REV3L: variants seen among roughly 807,000 people sequenced by gnomAD.
The protein encoded by REV3L is REV3 like, DNA directed polymerase zeta catalytic subunit, also known as DNA polymerase zeta catalytic subunit.
A neutral mutation model predicts 299.4 loss-of-function variants in REV3L; 69 were observed. The observed-to-expected ratio is 0.23, with a 90% CI of 0.19 to 0.28. The LOEUF (loss-of-function observed/expected upper bound fraction) is 0.28, where lower values mean the gene tolerates loss of function less well. Ranked by LOEUF, REV3L falls within the 10% of genes least tolerant of loss-of-function variation. REV3L has a pLI of 1.00. For synonymous variants in REV3L, 1,238 were observed against 1,271.4 expected (o/e 0.97, Z 0.56); for missense variants, 3,128 against 3,693.8 (o/e 0.85, Z 3.97).
At position 111,379,992 on chromosome 6, in the gene REV3L, C is replaced by A; in HGVS notation, c.1444G>T (p.Ala482Ser). ...RWDSNIEEHCAKKRSLCRNTH... is the reference protein window; with the variant it reads ...RWDSNIEEHCSKKRSLCRNTH... ...TAACTAAAAAATTACCTCTTTTTGG[C>A]ACAATGTTCTTCAATATTGCTGTCC... Residue 482 changes from alanine (A) to serine (S), a missense_variant, in exon 11 of 32, where the codon GCC (alanine) becomes TCC (serine). By Grantham distance (99) the Ala-to-Ser change is moderately conservative (BLOSUM62 1). Transcript: ENST00000368802. 4 of 1,605,612 alleles carry A rather than the reference C, an allele frequency of 2.5e-6. No individual in the cohort carries two copies. The highest frequency in any genetic ancestry group is 3.4e-6 in the Non-Finnish European group (4 of 1,174,474).
chr6:111,368,564 T>G (rs1562195990), intron 13 of REV3L, among the ~76,000 whole-genome samples: 1 of 152,154 alleles, frequency 6.6e-6, no homozygotes, highest in Non-Finnish European at 1.5e-5. Flanking sequence ...ATTACTCTAA[T>G]TCTTTCTTCC....
At chr6:111,477,939 G>A (rs934290239) in intron 1 of REV3L, among the ~76,000 whole-genome samples, 8 of 151,990 alleles carry the variant, frequency 5.3e-5, no homozygotes, top group South Asian at 2.1e-4. Context: ...AGAAGTAGAC[G>A]GATTCAAAAG....
chr6:111,343,239 G>C (rs1249345078), intron 21 of REV3L, among the ~76,000 whole-genome samples: 1 of 152,130 alleles, frequency 6.6e-6, no homozygotes. Flanking sequence ...TTAATAATAA[G>C]AATGAACAAA....
At chr6:111,412,276 G>GT in intron 2 of REV3L, 1 of 985,240 alleles carries the variant, frequency 1.0e-6, no homozygotes, top group African/African-American at 1.7e-5. Flanking sequence ...TTATGGCTGA[G>GT]TTTTTTCTCG....
rs371833287 is a variant in REV3L, at chr6:111,311,217, T to C, written c.8647A>G (p.Ile2883Val). 1.7e-4 allele frequency: 272 copies of C among 1,612,270 alleles called. No homozygotes were observed. The highest frequency in any genetic ancestry group is 2.2e-4 in the Non-Finnish European group (257 of 1,179,294). Residue 2883 changes from isoleucine to valine, a missense_variant, in exon 29 of 32, where the codon ATA becomes GTA. This residue lies in a region of REV3L where 294 missense variants were observed against 377.0 expected (regional missense o/e 0.78). Coordinates refer to ENST00000368802, the MANE Select transcript of REV3L (RefSeq NM_001372078.1). ...TGAACATACTGTTTAATTAGACTTA[T>C]ATCTCTCGTTTCAAATAGCAGCTTT... ...SLKLLFETRD[I>V]SLIKQYVQRQ... is the part of the protein sequence containing the mutation.
intron 4 of REV3L, among the ~76,000 whole-genome samples, chr6:111,399,235 A>T (rs1252468588): frequency 6.6e-6 from 1 of 152,192 alleles, no homozygotes; most frequent in Non-Finnish European, 1.5e-5. Context: ...TCTTGGTTAT[A>T]CTTGACAATG....
intron 24 of REV3L, chr6:111,330,946 A>G: frequency 1.0e-6 from 1 of 978,034 alleles, no homozygotes; most frequent in Non-Finnish European, 1.2e-6. Context: ...TCTTACTGGT[A>G]GAGAATGATG....
chr6:111,438,917 T>C (rs1398089074), intron 1 of REV3L, among the ~76,000 whole-genome samples: 3 of 126,906 alleles, frequency 2.4e-5, no homozygotes, highest in Admixed American at 7.9e-5. Flanking sequence ...ATCTTTAATG[T>C]ATTAAAAGAC....
intron 10 of REV3L, 41 bp downstream of exon 10, chr6:111,381,284 G>A (rs1422673414): frequency 1.3e-6 from 2 of 1,596,420 alleles, no homozygotes; most frequent in African/African-American, 2.7e-5. Flanking sequence ...CATTTTCTCT[G>A]AATTACAATA....
intron 1 of REV3L, among the ~76,000 whole-genome samples, chr6:111,427,679 C>T (rs1382476960): frequency 6.6e-6 from 1 of 152,198 alleles, no homozygotes; most frequent in Non-Finnish European, 1.5e-5. Context: ...AGAGTTGCTA[C>T]ACTGGAAAAA....
At chr6:111,429,548 T>A (rs1011783703) in intron 1 of REV3L, among the ~76,000 whole-genome samples, 5 of 152,076 alleles carry the variant, frequency 3.3e-5, no homozygotes, top group African/African-American at 1.2e-4. Context: ...CTGTTTGGTA[T>A]GAAGTCCAAA....
At chr6:111,380,263 T>A in intron 10 of REV3L, 44 bp from the exon 11 acceptor site, 1 of 1,441,616 alleles carries the variant, frequency 6.9e-7, no homozygotes, top group African/African-American at 1.4e-5. Flanking sequence ...AGTTTTCTTT[T>A]TTTTTTTTGA....
At chr6:111,362,829 T>C (rs1778838299) in intron 16 of REV3L, among the ~76,000 whole-genome samples, 1 of 152,172 alleles carries the variant, frequency 6.6e-6, no homozygotes, top group Admixed American at 6.5e-5. Context: ...ATACTTTGAG[T>C]CAACTATGTT....
rs1437023168 is a variant in REV3L, at chr6:111,422,051, C to T, written c.140-5579G>A. On this transcript the variant is annotated intron_variant, in intron 1 of 31. Transcript: ENST00000368802. The stretch of plus-strand genomic sequence containing the variant: ...AAAAGTTGTAAGGATGTACTCTTAG[C>T]CTTGGAAATTAGATTTTCAGAATTT... 7.2e-5 allele frequency among the ~76,000 whole-genome samples: 11 copies of T among 152,006 alleles called. No individual in the cohort carries two copies. In the East Asian group the frequency reaches 1.9e-3, roughly 27 times the overall value.
intron 30 of REV3L, 92 bp downstream of exon 30, chr6:111,309,761 A>AT: frequency 7.1e-7 from 1 of 1,416,818 alleles, no homozygotes; most frequent in South Asian, 1.4e-5. Flanking sequence ...CAGCACTCCC[A>AT]TATCAATAGC....
chr6:111,335,657 C>G, intron 21 of REV3L, 47 bp from the exon 22 acceptor site: 1 of 1,546,320 alleles, frequency 6.5e-7, no homozygotes, highest in Non-Finnish European at 8.7e-7. Flanking sequence ...AAAATTTGGA[C>G]ACTTGAAAAC....
intron 26 of REV3L, 22 bp downstream of exon 26, chr6:111,322,547 T>C: frequency 6.3e-7 from 1 of 1,578,710 alleles, no homozygotes; most frequent in Non-Finnish European, 8.7e-7. Flanking sequence ...AAAAGACAAC[T>C]ACAAAACCAA....
At chr6:111,385,065 T>C (rs560632851) in intron 9 of REV3L, among the ~76,000 whole-genome samples, 134 of 151,768 alleles carry the variant, frequency 8.8e-4, no homozygotes, top group Admixed American at 4.8e-3. Context: ...ACAATGGAAC[T>C]CATGGAGATA....
At chr6:111,349,880 C>A (rs1411376650) in intron 19 of REV3L, among the ~76,000 whole-genome samples, 1 of 152,178 alleles carries the variant, frequency 6.6e-6, no homozygotes, top group East Asian at 1.9e-4. Context: ...GGATGAAATT[C>A]TCTTGAATGC....
Sources: gnomAD v4.1 joint callset for allele counts (sites outside exome capture counted in the v4.1 genomes callset) on GRCh38, gnomAD v4.1.1 for gene constraint, gnomAD v4.1.1 regional missense constraint, MANE v1.5 for transcripts, NCBI Gene and HGNC (gene_info 2026-07-23, HGNC 2026-07-21) for gene names.